The following PLEKHM1 variants were observed in gnomAD, a reference collection of about 807,000 sequenced individuals.
PLEKHM1 encodes pleckstrin homology and RUN domain containing M1, also known as pleckstrin homology domain-containing family M member 1.
PLEKHM1 carries 28 observed loss-of-function variants against 94.3 expected under a neutral mutation model. The observed-to-expected ratio is 0.30, with a 90% CI of 0.22 to 0.41. The LOEUF (loss-of-function observed/expected upper bound fraction) is 0.41, where lower values mean the gene tolerates loss of function less well. PLEKHM1 is among the 10% of genes least tolerant of loss of function. PLEKHM1 has a pLI of 1.00. For missense variants in PLEKHM1, 907 were observed against 1,358.6 expected (o/e 0.67, Z 5.22); for synonymous variants, 424 against 581.2 (o/e 0.73, Z 3.89).
chr17:45,435,177 A>G (rs2050228765), downstream of PLEKHM1, among the ~76,000 whole-genome samples: 1 of 152,094 alleles, frequency 6.6e-6, no homozygotes, highest in Non-Finnish European at 1.5e-5. Flanking sequence ...CCTTGGGGGA[A>G]GCTGGGGCAC....
chr17:45,457,509 G>A (rs1373490745), intron 6 of PLEKHM1, among the ~76,000 whole-genome samples: 1 of 150,984 alleles, frequency 6.6e-6, no homozygotes, highest in Admixed American at 6.6e-5. Flanking sequence ...GTGGTGAGCT[G>A]AGATCACATG....
At chr17:45,489,817 G>A in intron 1 of PLEKHM1, among the ~76,000 whole-genome samples, 1 of 152,194 alleles carries the variant, frequency 6.6e-6, no homozygotes, top group Non-Finnish European at 1.5e-5. Flanking sequence ...GTTGGGTCGA[G>A]GGAAGCAATG....
chr17:45,468,408 C>A lies in PLEKHM1; in HGVS notation c.1109G>T (p.Gly370Val), dbSNP rs1361990525. Reference sequence around the variant, plus strand: ...GGGACGCGGCTCCTGCACGTGGACACCATCTTGAGTTCCAGAGGCTGCCTG... The same window carrying A: ...GGGACGCGGCTCCTGCACGTGGACAACATCTTGAGTTCCAGAGGCTGCCTG... The part of the protein sequence containing the change: ...PAQAASGTQD[G>V]VHVQEPRPQA... Residue 370 changes from glycine (G) to valine (V), a missense_variant, in exon 5 of 12, where the codon GGT becomes GTT. Around this residue, in one of 3 missense-constraint regions of PLEKHM1, gnomAD observed 477 missense variants for 601.5 expected, o/e 0.79. Coordinates refer to ENST00000430334, the MANE Select transcript of PLEKHM1 (RefSeq NM_014798.3). 3.1e-6 allele frequency: 5 copies of A among 1,614,078 alleles called. No individual in the cohort carries two copies. Among genetic ancestry groups the A allele is most frequent in the Non-Finnish European group, 3.4e-6 (4 of 1,180,054 alleles).
At chr17:45,474,192 G>A (rs1259602205) in intron 4 of PLEKHM1, among the ~76,000 whole-genome samples, 1 of 151,742 alleles carries the variant, frequency 6.6e-6, no homozygotes, top group Admixed American at 6.6e-5. Flanking sequence ...ATGTAGCTGG[G>A]ACTACAAGGC....
At chr17:45,454,866 T>C (rs2050897803) in intron 6 of PLEKHM1, 1 of 182,318 alleles carries the variant, frequency 5.5e-6, no homozygotes, top group Admixed American at 5.3e-5. Flanking sequence ...CGGTGGCTCA[T>C]GCCTGTAATC....
chr17:45,471,710 C>T (rs1022461024), intron 4 of PLEKHM1, among the ~76,000 whole-genome samples: 1 of 152,146 alleles, frequency 6.6e-6, no homozygotes, highest in Admixed American at 6.5e-5. Flanking sequence ...GAGCCGAGAT[C>T]ATGCCACTGC....
intron 11 of PLEKHM1, among the ~76,000 whole-genome samples, chr17:45,438,440 G>A (rs2145153020): frequency 6.6e-6 from 1 of 151,988 alleles, no homozygotes; most frequent in African/African-American, 2.4e-5. Flanking sequence ...GCTGAGGCAG[G>A]AGAATGGCAT....
chr17:45,446,536 G>A (rs1033208027), intron 8 of PLEKHM1, among the ~76,000 whole-genome samples: 5 of 152,202 alleles, frequency 3.3e-5, no homozygotes, highest in Non-Finnish European at 5.9e-5. Context: ...TCATAAGGAC[G>A]GAGGAGCTGT....
chr17:45,470,339 T>C (rs1338750418), intron 4 of PLEKHM1, among the ~76,000 whole-genome samples: 1 of 152,234 alleles, frequency 6.6e-6, no homozygotes, highest in Non-Finnish European at 1.5e-5. Context: ...AGATGTGAGA[T>C]CTACAGCATA....
chr17:45,469,654 A>T (rs2051431639), intron 4 of PLEKHM1, among the ~76,000 whole-genome samples: 1 of 152,224 alleles, frequency 6.6e-6, no homozygotes, highest in Admixed American at 6.5e-5. Flanking sequence ...GCTTAGGGAA[A>T]TGAGGATTTT....
downstream of PLEKHM1, among the ~76,000 whole-genome samples, chr17:45,434,955 TGA>T (rs578051078): frequency 1.2e-4 from 13 of 104,628 alleles, no homozygotes; most frequent in East Asian, 3.5e-3. Context: ...GGCATTGGAG[TGA>T]GACTGTATCC....
intron 6 of PLEKHM1, among the ~76,000 whole-genome samples, chr17:45,457,195 A>C (rs537932869): frequency 4.9e-4 from 73 of 149,074 alleles, no homozygotes; most frequent in African/African-American, 1.5e-3. Flanking sequence ...AAAAAAAAAG[A>C]AGCACTGGAG....
intron 1 of PLEKHM1, 86 bp downstream of exon 1, chr17:45,490,566 G>C (rs2052282684): frequency 7.4e-6 from 3 of 404,030 alleles, no homozygotes; most frequent in African/African-American, 2.1e-5. Flanking sequence ...GGGAATCGCG[G>C]AGGGAGCGGG....
At chr17:45,457,353 C>T (rs1184248651) in intron 6 of PLEKHM1, among the ~76,000 whole-genome samples, 6 of 151,752 alleles carry the variant, frequency 4.0e-5, no homozygotes, top group African/African-American at 4.8e-5. Context: ...CACCGGAGGT[C>T]GGGAGTTGGA....
In PLEKHM1 at chr17:45,475,159, C is replaced by T. The variant is rs1395573428; in HGVS notation, c.864G>A (p.Met288Ile). 2 of 1,613,866 alleles carry T rather than the reference C, an allele frequency of 1.2e-6. No individual in the cohort carries two copies. The highest frequency in any genetic ancestry group is 3.3e-5 in the Admixed American group (2 of 59,992). The change falls in exon 4 of 12, where the codon ATG (methionine) becomes ATA (isoleucine). Residue 288 changes from methionine (M) to isoleucine (I), a missense_variant. This residue lies in a region of PLEKHM1 where 477 missense variants were observed against 601.5 expected (regional missense o/e 0.79). Coordinates refer to ENST00000430334, the MANE Select transcript of PLEKHM1 (RefSeq NM_014798.3). ...SKSPDHCEEP[M>I]SCDSDLGTAN... ...CTGTGCCCAGGTCTGAGTCACAGGA[C>T]ATGGGCTCCTCGCAATGGTCTGGAC...
Position 45,475,319 on chromosome 17 carries a change from T to C in PLEKHM1, c.704A>G (p.His235Arg). The part of the protein sequence containing the change: ...HSSGSEDIEV[H>R]HSGHKIRRNQ... The stretch of plus-strand genomic sequence containing the variant: ...CCTCCGTATCTTATGGCCCGAGTGA[T>C]GGACTTCGATGTCTTCAGAGCCTGA... Residue 235 changes from histidine to arginine, a missense_variant, in exon 4 of 12, where the codon CAT (histidine) becomes CGT (arginine). Coordinates refer to ENST00000430334, the MANE Select transcript of PLEKHM1 (RefSeq NM_014798.3). The C allele has an allele frequency of 2.5e-6, 4 of 1,613,906 alleles. No homozygotes were observed. Among genetic ancestry groups the C allele is most frequent in the Non-Finnish European group, 2.5e-6 (3 of 1,179,850 alleles).
chr17:45,490,249 G>C (rs1163990778), intron 1 of PLEKHM1, among the ~76,000 whole-genome samples: 3 of 152,042 alleles, frequency 2.0e-5, no homozygotes, highest in Non-Finnish European at 4.4e-5. Context: ...GGTGGGTCTC[G>C]GGGAGGTAAG....
chr17:45,440,257 A>G (rs1024208769), intron 9 of PLEKHM1, 31 bp from the exon 10 acceptor site: 1 of 1,609,194 alleles, frequency 6.2e-7, no homozygotes, highest in African/African-American at 1.3e-5. Flanking sequence ...ATTCTTTAGA[A>G]AGGTTTCCAG....
rs372133424 is a variant in PLEKHM1, at chr17:45,486,560, C to T, written c.-41-4035G>A. ...CTGCACCCCAGCTTGGGCAACAGAG[C>T]GAGACTCCATCTCAAAAAAAAAAAT... On this transcript the variant is annotated intron_variant, in intron 1 of 11. Transcript: ENST00000430334. Among the ~76,000 whole-genome samples, 331 of 150,916 alleles carry T rather than the reference C, an allele frequency of 2.2e-3. 11 individuals carry two copies. The South Asian group carries it at 0.064, about 29-fold the overall frequency.
Sources: allele counts gnomAD v4.1 joint callset (sites outside exome capture counted in the v4.1 genomes callset), GRCh38; gene constraint gnomAD v4.1.1; regional missense constraint gnomAD v4.1.1; transcripts MANE v1.5; gene names NCBI Gene and HGNC (gene_info 2026-07-23, HGNC 2026-07-21).